The following WNK3 variants were observed in gnomAD, a reference collection of about 807,000 sequenced individuals.
WNK3 encodes WNK lysine deficient protein kinase 3.
WNK3 carries 18 observed loss-of-function variants against 116.7 expected under a neutral mutation model. That is an observed-to-expected ratio of 0.15 (90% CI 0.11 to 0.23). The LOEUF is 0.23. Ranked by LOEUF, WNK3 falls within the 10% of genes least tolerant of loss-of-function variation. WNK3 has a pLI of 1.00. For synonymous variants in WNK3, 404 were observed against 469.4 expected, an observed-to-expected ratio of 0.86 and a Z score of 1.80; for missense variants, 993 against 1,323.8, an observed-to-expected ratio of 0.75 and a Z score of 3.88.
At chrX:54,297,089 GGAAA>G (rs1306964940) in intron 7 of WNK3, among the ~76,000 whole-genome samples, 4 of 110,960 alleles carry the variant, frequency 3.6e-5, no homozygotes, top group African/African-American at 1.3e-4. Context: ...AAACTCTTAG[GGAAA>G]CTGAAGCTGG....
chrX:54,352,553 A>G (rs1663706713), intron 1 of WNK3, among the ~76,000 whole-genome samples: 1 of 110,888 alleles, frequency 9.0e-6, no homozygotes. Context: ...GGTGACACAC[A>G]CCTATAGTCC....
intron 1 of WNK3, among the ~76,000 whole-genome samples, chrX:54,340,616 A>T (rs782252599): frequency 1.2e-4 from 12 of 102,676 alleles, no homozygotes; most frequent in African/African-American, 2.9e-4. Flanking sequence ...GAGTAAAAAT[A>T]AAAAAAAAAA....
intron 10 of WNK3, among the ~76,000 whole-genome samples, chrX:54,279,486 C>T (rs1043804626): frequency 9.0e-6 from 1 of 111,012 alleles, no homozygotes; most frequent in Non-Finnish European, 1.9e-5. Flanking sequence ...ATTGTTTGGG[C>T]CTGGGAGGTC....
intron 10 of WNK3, among the ~76,000 whole-genome samples, chrX:54,273,390 T>G (rs1204439394): frequency 9.0e-6 from 1 of 111,337 alleles, no homozygotes; most frequent in South Asian, 3.8e-4. Context: ...GTCAGCAGTT[T>G]GAGACCAGCC....
At chrX:54,301,925 AT>A in intron 5 of WNK3, 66 bp from the exon 6 acceptor site, 1 of 782,014 alleles carries the variant, frequency 1.3e-6, no homozygotes, top group East Asian at 3.3e-5. Flanking sequence ...CATGACATTT[AT>A]TAAACATTAT....
intron 10 of WNK3, 27 bp from the exon 11 acceptor site, chrX:54,259,365 G>A (rs1557156252): frequency 2.9e-6 from 3 of 1,036,252 alleles, no homozygotes; most frequent in African/African-American, 3.8e-5. Context: ...CATAAAACTT[G>A]CTATGATAAC....
At chrX:54,233,007 C>T in exon 21 of WNK3, 1 of 1,207,349 alleles carries the variant, frequency 8.3e-7, no homozygotes, top group Non-Finnish European at 1.1e-6. Context: ...AGATTTACCA[C>T]CTCCTGAATG....
chrX:54,219,337 T>C (rs1569535618), intron 22 of WNK3, among the ~76,000 whole-genome samples: 2 of 110,777 alleles, frequency 1.8e-5, no homozygotes, highest in Admixed American at 1.9e-4. Flanking sequence ...TGTCAAAGTG[T>C]TGAAAGAGTA....
chrX:54,255,849 C>T lies in WNK3; in HGVS notation c.2141G>A (p.Ser714Asn). 3.3e-6 allele frequency: 4 copies of T among 1,205,679 alleles called. 1 individual carries two copies. The South Asian group carries it at 7.2e-5, about 22-fold the overall frequency. The change falls in exon 12 of 24, where the codon AGT (serine) becomes AAT (asparagine). Residue 714 changes from serine to asparagine, a missense_variant. This residue lies in a region of WNK3 where 836 missense variants were observed against 976.5 expected (regional missense o/e 0.86). Coordinates refer to ENST00000354646, the Ensembl canonical transcript of WNK3. ...ATTTCCACTTGGGTTATCAGGGCTA[C>T]TGACGTTTTCCTTCGTAGTTGCCAC... is the stretch of plus-strand genomic sequence containing the variant.
chrX:54,241,036 C>G (rs1286621349), intron 17 of WNK3, among the ~76,000 whole-genome samples: 1 of 111,501 alleles, frequency 9.0e-6, no homozygotes, highest in Non-Finnish European at 1.9e-5. Flanking sequence ...GCAGTTCTGT[C>G]CCTTCTCTCC....
chrX:54,317,597 G>C (rs1487543899), intron 2 of WNK3, among the ~76,000 whole-genome samples: 2 of 110,976 alleles, frequency 1.8e-5, no homozygotes, highest in African/African-American at 6.5e-5. Context: ...TAGTTAACAG[G>C]AGCTAGGCAG....
rs781810029 is a variant in WNK3, at chrX:54,293,331, T to C, written c.1694-4A>G. ...CCTGCCTCAGACAAATTGTCACCTA[T>C]AAAAAAAGAAAATAAGTAACAGGTA... On this transcript the variant is annotated splice_region_variant and splice_polypyrimidine_tract_variant and intron_variant, in intron 8 of 23. Coordinates refer to ENST00000354646, the Ensembl canonical transcript of WNK3. 1.0e-5 allele frequency: 12 copies of C among 1,178,036 alleles called. No homozygotes were observed. The East Asian group carries it at 3.0e-4, about 29-fold the overall frequency.
At position 54,237,198 on chromosome X, in the gene WNK3, C is replaced by G. The variant is rs1010731015; in HGVS notation, c.4368G>C (p.Leu1456Phe). Reference sequence around the variant, plus strand: ...CAGTCAATATCTCTCTCTCTTTAAGCAACAGTTCAGATCCAGACTGCATGC... The same window carrying G: ...CAGTCAATATCTCTCTCTCTTTAAGGAACAGTTCAGATCCAGACTGCATGC... The change falls in exon 20 of 24, where the codon TTG (leucine) becomes TTC (phenylalanine). Residue 1456 changes from leucine (L) to phenylalanine (F), a missense_variant. Leu to Phe is a conservative substitution (Grantham distance 22). This residue lies in a region of WNK3 where 836 missense variants were observed against 976.5 expected (regional missense o/e 0.86). Transcript: ENST00000354646. 2 of 1,210,508 alleles carry G rather than the reference C, an allele frequency of 1.7e-6. No homozygotes were observed. Among genetic ancestry groups the G allele is most frequent in the African/African-American group, 3.5e-5 (2 of 57,385 alleles).
intron 4 of WNK3, 136 bp downstream of exon 4, chrX:54,308,959 A>G: frequency 2.0e-6 from 1 of 493,999 alleles, no homozygotes; most frequent in Non-Finnish European, 3.4e-6. Flanking sequence ...ACTGTGTTCT[A>G]ATAAAATTCG....
chrX:54,357,084 A>G (rs1291960465), intron 1 of WNK3, among the ~76,000 whole-genome samples: 2 of 110,595 alleles, frequency 1.8e-5, no homozygotes, highest in Admixed American at 2.0e-4. Context: ...CAAGCCAGCA[A>G]TATTTCTCAC....
intron 17 of WNK3, among the ~76,000 whole-genome samples, chrX:54,241,634 A>G (rs1288386596): frequency 9.0e-6 from 1 of 111,556 alleles, no homozygotes; most frequent in African/African-American, 3.3e-5. Context: ...CAAAAAGCAA[A>G]AGGACAAACA....
chrX:54,259,786 AGGAATTAGTACTCAGCAGCTGCAACATT>A (rs1217580724), intron 10 of WNK3, among the ~76,000 whole-genome samples: 2 of 111,486 alleles, frequency 1.8e-5, no homozygotes, highest in African/African-American at 6.5e-5. Flanking sequence ...TATCCCTTCA[AGGAATTAGTACTCAGCAGCTGCAACATT>A]GGCTTCCAGG....
intron 17 of WNK3, among the ~76,000 whole-genome samples, chrX:54,244,152 G>A (rs1227575896): frequency 8.9e-6 from 1 of 111,800 alleles, no homozygotes; most frequent in Non-Finnish European, 1.9e-5. Flanking sequence ...TCTGGAACTA[G>A]ATAATGGTGA....
Position 54,202,258 on chromosome X carries a change from A to G in WNK3, c.4871-65T>C. ...AAGAATTAAAACTGATAATCAGATA[A>G]CTCTTTGGCCAACAAAGCAGTTAAC... On this transcript the variant is annotated intron_variant, in intron 22 of 23. Transcript: ENST00000354646. The G allele has an allele frequency of 2.9e-6, 3 of 1,049,381 alleles. No homozygotes were observed. The South Asian group carries it at 6.5e-5, about 23-fold the overall frequency. The allele number at this position is 1,049,381 out of a possible 1,213,427, so 86.5% of individuals were successfully genotyped here.
Sources: gnomAD v4.1 joint callset for allele counts (sites outside exome capture counted in the v4.1 genomes callset) on GRCh38, gnomAD v4.1.1 for gene constraint, gnomAD v4.1.1 regional missense constraint, MANE v1.5 for transcripts, NCBI Gene and HGNC (gene_info 2026-07-23, HGNC 2026-07-21) for gene names.